GAP43: variants seen among roughly 807,000 people sequenced by gnomAD.
GAP43 encodes the protein neuromodulin.
A neutral mutation model predicts 18.6 loss-of-function variants in GAP43; 6 were observed. That is an observed-to-expected ratio of 0.32 (90% CI 0.18 to 0.64). The LOEUF (loss-of-function observed/expected upper bound fraction) is 0.64. GAP43 is among the 30% of genes least tolerant of loss of function. The probability of loss-of-function intolerance (pLI) is 0.78; values close to 1 mark genes in which losing one functional copy is unlikely to be tolerated. For missense variants in GAP43, 292 were observed against 295.5 expected (o/e 0.99, Z 0.09); for synonymous variants, 115 against 111.4 (o/e 1.03, Z -0.20).
At chr3:115,624,634 C>T (rs1708162001) in intron 1 of GAP43, among the ~76,000 whole-genome samples, 1 of 152,130 alleles carries the variant, frequency 6.6e-6, no homozygotes, top group African/African-American at 2.4e-5. Flanking sequence ...ATCAGAGCCC[C>T]TCCTTCCCTC....
chr3:115,688,912 C>G (rs1709068253), intron 2 of GAP43, among the ~76,000 whole-genome samples: 1 of 152,228 alleles, frequency 6.6e-6, no homozygotes, highest in Non-Finnish European at 1.5e-5. Context: ...ACTTCCGCAG[C>G]CTAGGAGGCC....
At chr3:115,659,557 C>T (rs1468477792) in intron 1 of GAP43, among the ~76,000 whole-genome samples, 1 of 152,076 alleles carries the variant, frequency 6.6e-6, no homozygotes, top group Non-Finnish European at 1.5e-5. Flanking sequence ...TGGGCTTTGT[C>T]ACAGGCTGTA....
intron 1 of GAP43, among the ~76,000 whole-genome samples, chr3:115,630,997 C>T (rs1360705281): frequency 6.6e-6 from 1 of 152,166 alleles, no homozygotes; most frequent in Admixed American, 6.5e-5. Flanking sequence ...GACAGACGAC[C>T]ATTTCTGATT....
intron 2 of GAP43, among the ~76,000 whole-genome samples, chr3:115,699,507 G>A (rs1576999227): frequency 6.6e-6 from 1 of 152,124 alleles, no homozygotes; most frequent in East Asian, 1.9e-4. Context: ...CAATTGAGCT[G>A]CAAATCTAGC....
intron 2 of GAP43, among the ~76,000 whole-genome samples, chr3:115,709,408 A>G (rs1709406152): frequency 6.6e-6 from 1 of 152,156 alleles, no homozygotes; most frequent in Non-Finnish European, 1.5e-5. Context: ...GGAGGCTGAA[A>G]TCCCAGCTCA....
intron 2 of GAP43, among the ~76,000 whole-genome samples, chr3:115,683,920 A>T (rs1708999243): frequency 6.6e-6 from 1 of 152,170 alleles, no homozygotes; most frequent in Non-Finnish European, 1.5e-5. Context: ...TGGGCTATTG[A>T]ACGTCCCGAG....
chr3:115,661,454 G>A (rs1026282137), intron 1 of GAP43, among the ~76,000 whole-genome samples: 2 of 152,114 alleles, frequency 1.3e-5, no homozygotes, highest in Non-Finnish European at 1.5e-5. Context: ...CAAGCCCACC[G>A]GGCTTTGATA....
At chr3:115,640,885 A>C (rs1559789820) in intron 1 of GAP43, among the ~76,000 whole-genome samples, 1 of 151,538 alleles carries the variant, frequency 6.6e-6, no homozygotes, top group Non-Finnish European at 1.5e-5. Flanking sequence ...TCCACGTGAA[A>C]TTCTCTTTCT....
At chr3:115,624,300 A>G (rs900853876) in intron 1 of GAP43, among the ~76,000 whole-genome samples, 2 of 149,538 alleles carry the variant, frequency 1.3e-5, no homozygotes, top group African/African-American at 4.9e-5. Context: ...GATTTGATAG[A>G]TTTTTTTTTT....
chr3:115,706,405 A>G (rs1386556324), intron 2 of GAP43, among the ~76,000 whole-genome samples: 4 of 151,758 alleles, frequency 2.6e-5, no homozygotes, highest in Admixed American at 2.6e-4. Context: ...GCTGGGGGGT[A>G]GGCTGTGACT....
At chr3:115,710,884 A>G (rs1709428670) in intron 2 of GAP43, among the ~76,000 whole-genome samples, 1 of 152,140 alleles carries the variant, frequency 6.6e-6, no homozygotes, top group Non-Finnish European at 1.5e-5. Context: ...TGGTAAGATA[A>G]TGAAACCAAA....
chr3:115,715,177 A>G (rs1020626117), intron 2 of GAP43, among the ~76,000 whole-genome samples: 5 of 152,198 alleles, frequency 3.3e-5, no homozygotes, highest in Non-Finnish European at 5.9e-5. Flanking sequence ...GAAGGAACAC[A>G]GACATTTAAT....
intron 1 of GAP43, among the ~76,000 whole-genome samples, chr3:115,627,627 G>T (rs973491528): frequency 6.6e-6 from 1 of 152,124 alleles, no homozygotes; most frequent in Non-Finnish European, 1.5e-5. Flanking sequence ...GATAAAGTAA[G>T]ACAAGTCTTC....
In GAP43 at chr3:115,698,091, T is replaced by TATATATTATATATAA. The variant is rs1559804175; in HGVS notation, c.628+21481_628+21482insATATATTATATATAA. Among the ~76,000 whole-genome samples, 96 of 56,786 alleles carry TATATATTATATATAA rather than the reference T, an allele frequency of 1.7e-3. 1 individual carries two copies. The highest frequency in any genetic ancestry group is 7.6e-3 in the African/African-American group (93 of 12,222). The allele number at this position is 56,786 out of a possible 152,430, so 37.3% of individuals were successfully genotyped here. A position where few individuals can be genotyped will look rare whatever the true frequency, so the allele number is the denominator to read the frequency against. The stretch of plus-strand genomic sequence containing the variant: ...TTATATATAATATATAAAATATGTA[T>TATATATTATATATAA]TATATATAATATATAAAATATATAA... On this transcript the variant is annotated intron_variant, in intron 2 of 2. Transcript: ENST00000305124.
chr3:115,662,804 T>C (rs1708681203), intron 1 of GAP43, among the ~76,000 whole-genome samples: 1 of 152,238 alleles, frequency 6.6e-6, no homozygotes, highest in Admixed American at 6.5e-5. Context: ...GTGTTGTATA[T>C]GTCAAGTAGA....
chr3:115,628,555 G>A (rs536601014), intron 1 of GAP43, among the ~76,000 whole-genome samples: 1 of 152,020 alleles, frequency 6.6e-6, no homozygotes. Flanking sequence ...CACATCCAGT[G>A]ACCCTTCATT....
chr3:115,630,751 T>C (rs1344443440), intron 1 of GAP43, among the ~76,000 whole-genome samples: 1 of 152,174 alleles, frequency 6.6e-6, no homozygotes, highest in Non-Finnish European at 1.5e-5. Flanking sequence ...CAGACCCAGG[T>C]AGAGTTTTTC....
At chr3:115,623,821 T>C in intron 1 of GAP43, 102 bp downstream of exon 1, 3 of 1,209,808 alleles carry the variant, frequency 2.5e-6, no homozygotes, top group East Asian at 4.6e-5. Context: ...GCTCTGGCCG[T>C]GGTGCTCGCG....
chr3:115,718,811 C>T (rs1709541979), intron 2 of GAP43, among the ~76,000 whole-genome samples: 1 of 152,152 alleles, frequency 6.6e-6, no homozygotes, highest in South Asian at 2.1e-4. Context: ...ATTTCTGCTA[C>T]TGAAGAGCTC....
Sources: allele counts gnomAD v4.1 joint callset (sites outside exome capture counted in the v4.1 genomes callset), GRCh38; gene constraint gnomAD v4.1.1; transcripts MANE v1.5; gene names NCBI Gene and HGNC (gene_info 2026-07-23, HGNC 2026-07-21).